KIF26B: variants seen among roughly 807,000 people sequenced by gnomAD.
KIF26B encodes kinesin-like protein KIF26B.
Under a neutral mutation model 151.2 loss-of-function variants are expected in KIF26B, and 63 were observed. That is an observed-to-expected ratio of 0.42 (90% confidence interval 0.34 to 0.51). The LOEUF (loss-of-function observed/expected upper bound fraction) is 0.51, where lower values mean the gene tolerates loss of function less well. Among genes scored for constraint, KIF26B ranks in the 20% least tolerant of loss-of-function variants. KIF26B has a pLI of 0.07. For missense variants in KIF26B, 2,813 were observed against 2,913.6 expected (o/e 0.97, Z 0.79); for synonymous variants, 1,357 against 1,262.1 (o/e 1.08, Z -1.59).
rs1340453562 is a variant in KIF26B, at chr1:245,602,595, A to G, written c.1369A>G (p.Ile457Val). ...TTAACAGGTGAAAGTCATGCTTCGC[A>G]TCTGTTCCACCTTGGCTCGAGATAC... ...GLGKVKVMLR[I>V]CSTLARDTSE... is the part of the protein sequence containing the mutation. Residue 457 changes from isoleucine (I) to valine (V), a missense_variant, in exon 6 of 15, where the codon ATC (isoleucine) becomes GTC (valine). Ile to Val is a conservative substitution (Grantham distance 29, BLOSUM62 3). Transcript: ENST00000407071. The surrounding 1 kb of genome is among the most constrained non-coding windows in gnomAD (Gnocchi z 4.5). 1 of 1,612,744 alleles carries G rather than the reference A, an allele frequency of 6.2e-7. No individual in the cohort carries two copies. The highest frequency in any genetic ancestry group is 2.2e-5 in the East Asian group (1 of 44,864).
At chr1:245,443,444 C>T (rs1659167337) in intron 4 of KIF26B, among the ~76,000 whole-genome samples, 1 of 112,578 alleles carries the variant, frequency 8.9e-6, no homozygotes, top group Admixed American at 9.1e-5. Context: ...CGGTCATCTC[C>T]CTCACTGTTC....
intron 3 of KIF26B, 68 bp from the exon 4 acceptor site, chr1:245,419,511 A>T: frequency 1.4e-6 from 2 of 1,452,032 alleles, no homozygotes; most frequent in Non-Finnish European, 1.9e-6. Flanking sequence ...AAATAGAGAG[A>T]TGCTGTCAGT....
chr1:245,270,015 A>C (rs12723998), intron 2 of KIF26B, among the ~76,000 whole-genome samples: 75,645 of 151,748 alleles, frequency 0.5, 19,188 homozygotes, highest in East Asian at 0.61. Context: ...TTCTGAGGAA[A>C]CTCCATTCTG....
In KIF26B at chr1:245,167,355, G is replaced by A. The variant is rs1256493912; in HGVS notation, c.465+10672G>A. Among the ~76,000 whole-genome samples, 2 of 152,100 alleles carry A rather than the reference G, an allele frequency of 1.3e-5. No individual in the cohort carries two copies. Among genetic ancestry groups the A allele is most frequent in the East Asian group, 1.9e-4 (1 of 5,186 alleles). On this transcript the variant is annotated intron_variant, in intron 2 of 14. Transcript: ENST00000407071. The surrounding 1 kb of genome is among the most constrained non-coding windows in gnomAD (Gnocchi z 4.2). ...TTTTTTCTGAGCTAACCTAGGAACCGATAGAACTTGAGATTTTTCTGCAGT... is the reference window on the plus strand; with the variant it reads ...TTTTTTCTGAGCTAACCTAGGAACCAATAGAACTTGAGATTTTTCTGCAGT...
At chr1:245,279,994 G>T (rs1024613527) in intron 2 of KIF26B, among the ~76,000 whole-genome samples, 3 of 151,980 alleles carry the variant, frequency 2.0e-5, no homozygotes, top group Admixed American at 6.5e-5. Context: ...TAGAAGAATG[G>T]TGTGTCCATG....
At chr1:245,343,955 G>C (rs1672387171) in intron 2 of KIF26B, among the ~76,000 whole-genome samples, 1 of 152,142 alleles carries the variant, frequency 6.6e-6, no homozygotes, top group Admixed American at 6.5e-5. Flanking sequence ...ATTCGGGGGG[G>C]CCAAGGGCTT....
Position 245,254,168 on chromosome 1 carries a change from T to C in KIF26B, c.465+97485T>C, listed in dbSNP as rs557423315. Among the ~76,000 whole-genome samples the C allele has an allele frequency of 2.0e-5, 3 of 152,334 alleles. No individual in the cohort carries two copies. The South Asian group carries it at 6.2e-4, about 32-fold the overall frequency. ...ATTTTCTAGATCATTCAATATTTAC[T>C]GAGAAGATGACCTGTAACGCATTGA... On this transcript the variant is annotated intron_variant, in intron 2 of 14. Transcript: ENST00000407071.
Position 245,691,109 on chromosome 1 carries a change from C to T in KIF26B, c.5824+2302C>T, listed in dbSNP as rs143141090. ...TCATGGACTCAAATTTAGTGCCTTG[C>T]GTCTACCAGTCCATTTCATTATTTC... On this transcript the variant is annotated intron_variant, in intron 12 of 14. Coordinates refer to ENST00000407071, the MANE Select transcript of KIF26B (RefSeq NM_018012.4). Among the ~76,000 whole-genome samples, 427 of 152,308 alleles carry T rather than the reference C, an allele frequency of 2.8e-3. 2 individuals are homozygous for T. Among genetic ancestry groups the T allele is most frequent in the African/African-American group, 9.5e-3 (395 of 41,562 alleles).
chr1:245,402,499 G>T (rs1165838330), intron 3 of KIF26B, among the ~76,000 whole-genome samples: 1 of 152,120 alleles, frequency 6.6e-6, no homozygotes. Context: ...TGAAGATAAA[G>T]CATCTTTCAT....
chr1:245,581,961 G>GAAGGAAGGAAGGAAAT (rs1298184576), intron 5 of KIF26B, among the ~76,000 whole-genome samples: 1 of 151,486 alleles, frequency 6.6e-6, no homozygotes, highest in East Asian at 1.9e-4. Flanking sequence ...AGGAAGGAAG[G>GAAGGAAGGAAGGAAAT]AAATAAATAA....
At chr1:245,693,946 T>C (rs932712948) in intron 12 of KIF26B, among the ~76,000 whole-genome samples, 27 of 152,324 alleles carry the variant, frequency 1.8e-4, no homozygotes, top group African/African-American at 6.0e-4. Context: ...CCTTTTTGAA[T>C]ACACAGTTGG....
Position 245,604,638 on chromosome 1 carries a change from G to A in KIF26B, c.1557+1855G>A, listed in dbSNP as rs116909735. Among the ~76,000 whole-genome samples, 22 of 152,254 alleles carry A rather than the reference G, an allele frequency of 1.4e-4. No homozygotes were observed. The East Asian group carries it at 3.9e-3, about 27-fold the overall frequency. On this transcript the variant is annotated intron_variant, in intron 6 of 14. Transcript: ENST00000407071. ...AATTCCAAAGCAAACCCTAAATCAA[G>A]CATGGACTATGAATGCGTTTTAGAT... is the stretch of plus-strand genomic sequence containing the variant.
Position 245,540,192 on chromosome 1 carries a change from G to A in KIF26B, c.1167-575G>A, listed in dbSNP as rs185558426. 3.4e-4 allele frequency among the ~76,000 whole-genome samples: 51 copies of A among 152,194 alleles called. No individual in the cohort carries two copies. Among genetic ancestry groups the A allele is most frequent in the Middle Eastern group, 3.4e-3 (1 of 294 alleles). On this transcript the variant is annotated intron_variant, in intron 4 of 14. Coordinates refer to ENST00000407071, the MANE Select transcript of KIF26B (RefSeq NM_018012.4). The surrounding 1 kb of genome is among the most constrained non-coding windows in gnomAD (Gnocchi z 4.6). ...TACGTAAGCAGCCCATAGCCTCAGC[G>A]CCCTGCACCCTGGTTGGAGTTCACC...
chr1:245,618,443 T>C (rs2043617725), intron 9 of KIF26B, among the ~76,000 whole-genome samples: 2 of 151,334 alleles, frequency 1.3e-5, no homozygotes, highest in Admixed American at 6.6e-5. Flanking sequence ...TATTAGACTA[T>C]AGGTTCCTTG....
intron 3 of KIF26B, among the ~76,000 whole-genome samples, chr1:245,385,316 G>A (rs1673516344): frequency 6.6e-6 from 1 of 152,192 alleles, no homozygotes; most frequent in African/African-American, 2.4e-5. Context: ...AAATAGACCA[G>A]TGCAACATTT....
At chr1:245,612,003 C>A (rs1332008342) in intron 9 of KIF26B, 27 bp downstream of exon 9, 2 of 1,606,568 alleles carry the variant, frequency 1.2e-6, no homozygotes, top group Non-Finnish European at 1.7e-6. Flanking sequence ...ACCCTCCTGC[C>A]TCCTTAGCGG....
At chr1:245,431,255 T>G (rs1157820250) in intron 4 of KIF26B, among the ~76,000 whole-genome samples, 2 of 152,040 alleles carry the variant, frequency 1.3e-5, no homozygotes, top group Admixed American at 6.5e-5. Context: ...CTTGGCTCAC[T>G]GCAACCTCTG....
chr1:245,331,388 C>A (rs1672112299), intron 2 of KIF26B, among the ~76,000 whole-genome samples: 1 of 152,184 alleles, frequency 6.6e-6, no homozygotes, highest in Non-Finnish European at 1.5e-5. Context: ...CCAAACAACT[C>A]AAGGTGCTCT....
chr1:245,343,271 T>A (rs1346100422), intron 2 of KIF26B, among the ~76,000 whole-genome samples: 1 of 152,104 alleles, frequency 6.6e-6, no homozygotes, highest in African/African-American at 2.4e-5. Flanking sequence ...GTTAATGCAT[T>A]TACAGGAGGA....
Sources: allele counts gnomAD v4.1 joint callset (sites outside exome capture counted in the v4.1 genomes callset), GRCh38; gene constraint gnomAD v4.1.1; non-coding constraint Gnocchi (gnomAD v3.1); transcripts MANE v1.5; gene names NCBI Gene and HGNC (gene_info 2026-07-23, HGNC 2026-07-21).